The following SGSM1 variants were observed in gnomAD, a reference collection of about 807,000 sequenced individuals.
SGSM1 encodes the protein small G protein signaling modulator 1.
Under a neutral mutation model 133.8 loss-of-function variants are expected in SGSM1, and 73 were observed. The observed-to-expected ratio is 0.55, with a 90% confidence interval of 0.45 to 0.66. The LOEUF (loss-of-function observed/expected upper bound fraction) is 0.66. Among genes scored for constraint, SGSM1 ranks in the 30% least tolerant of loss-of-function variants. SGSM1 has a pLI of 0.00. For missense variants in SGSM1, 1,213 were observed against 1,448.1 expected (o/e 0.84, Z 2.64); for synonymous variants, 563 against 573.0 (o/e 0.98, Z 0.25).
intron 12 of SGSM1, among the ~76,000 whole-genome samples, chr22:24,873,013 C>T (rs867945455): frequency 1.3e-5 from 2 of 151,166 alleles, no homozygotes; most frequent in African/African-American, 2.4e-5. Context: ...GGCTGGAGTG[C>T]AGTGGTGCGA....
At chr22:24,914,757 A>T (rs1350500928) in intron 22 of SGSM1, among the ~76,000 whole-genome samples, 1 of 152,134 alleles carries the variant, frequency 6.6e-6, no homozygotes, top group Non-Finnish European at 1.5e-5. Context: ...AGGCTCGTCA[A>T]CCACGGGGCA....
In SGSM1 at chr22:24,926,629, T is replaced by A. The variant is rs1158221993; in HGVS notation, c.*2355T>A. ...GTGATGTTCCAGAGAGCATCTGTGGTTGTGATTTGGAATAAGTCATATTTA... is the reference window on the plus strand; with the variant it reads ...GTGATGTTCCAGAGAGCATCTGTGGATGTGATTTGGAATAAGTCATATTTA... On this transcript the variant is annotated 3_prime_UTR_variant, in exon 25 of 25. Transcript: ENST00000400358. The A allele has an allele frequency of 1.3e-5, 2 of 152,204 alleles. No individual in the cohort carries two copies. Among genetic ancestry groups the A allele is most frequent in the Non-Finnish European group, 2.9e-5 (2 of 68,042 alleles). 9.4% of individuals were successfully genotyped at this position (152,204 alleles called of 1,614,324 possible).
At chr22:24,907,404 A>C (rs1165935368) in intron 21 of SGSM1, among the ~76,000 whole-genome samples, 2 of 152,156 alleles carry the variant, frequency 1.3e-5, no homozygotes, top group Non-Finnish European at 2.9e-5. Flanking sequence ...AACCCAAATA[A>C]ATGGAAAGAT....
Position 24,867,179 on chromosome 22 carries a change from G to T in SGSM1, c.994+19G>T. 1 of 1,612,744 alleles carries T rather than the reference G, an allele frequency of 6.2e-7. No individual in the cohort carries two copies. Among genetic ancestry groups the T allele is most frequent in the Non-Finnish European group, 8.5e-7 (1 of 1,179,190 alleles). ...CAGCAAGGTAGGGACTGTGGGGACA[G>T]GAGGGGTCTGCGTATTCCTCTTGGA... On this transcript the variant is annotated intron_variant, in intron 10 of 24. Coordinates refer to ENST00000400358, the MANE Select transcript of SGSM1 (RefSeq NM_001098497.3).
intron 21 of SGSM1, among the ~76,000 whole-genome samples, chr22:24,908,821 AAGAC>A (rs1169689394): frequency 6.6e-6 from 1 of 151,962 alleles, no homozygotes; most frequent in African/African-American, 2.4e-5. Context: ...AAAAGAAAGA[AAGAC>A]AACCTGATTA....
At chr22:24,913,295 A>AG (rs1933701045) in intron 22 of SGSM1, among the ~76,000 whole-genome samples, 4 of 141,024 alleles carry the variant, frequency 2.8e-5, no homozygotes, top group Non-Finnish European at 6.3e-5. Flanking sequence ...TCCATCTCAA[A>AG]AAAAAAAAAA....
chr22:24,900,551 C>G (rs1933118927), intron 19 of SGSM1, among the ~76,000 whole-genome samples: 1 of 152,016 alleles, frequency 6.6e-6, no homozygotes, highest in African/African-American at 2.4e-5. Flanking sequence ...AAGCACGCAC[C>G]CACGCCCGGC....
Position 24,910,714 on chromosome 22 carries a change from G to A in SGSM1, c.2819-1929G>A, listed in dbSNP as rs187100797. Among the ~76,000 whole-genome samples the A allele has an allele frequency of 2.5e-3, 382 of 152,268 alleles. 12 individuals carry two copies. The highest frequency in any genetic ancestry group is 0.02 in the Admixed American group (308 of 15,272). The stretch of plus-strand genomic sequence containing the variant: ...AATCCCAGCACTTTGGAAGGCCGAG[G>A]CAGGTGGATCACTTGAGGTCAGGAG... On this transcript the variant is annotated intron_variant, in intron 21 of 24. Transcript: ENST00000400358.
At position 24,878,583 on chromosome 22, in the gene SGSM1, G is replaced by T. The variant is rs548213494; in HGVS notation, c.1431-879G>T. Among the ~76,000 whole-genome samples, 113 of 152,322 alleles carry T rather than the reference G, an allele frequency of 7.4e-4. 2 individuals carry two copies. The highest frequency in any genetic ancestry group is 2.3e-3 in the East Asian group (12 of 5,190). On this transcript the variant is annotated intron_variant, in intron 13 of 24. Transcript: ENST00000400358. ...CTGGATGTCTCCTGGGATGTCCTGA[G>T]AACAAATATGCAGATATTCTTCCAT... is the stretch of plus-strand genomic sequence containing the variant.
chr22:24,861,351 CAAAA>C (rs139707), intron 9 of SGSM1, among the ~76,000 whole-genome samples: 5 of 75,850 alleles, frequency 6.6e-5, no homozygotes, highest in Admixed American at 1.4e-4. Flanking sequence ...GACTCTGTCT[CAAAA>C]AAAAAAAAAA....
intron 20 of SGSM1, among the ~76,000 whole-genome samples, chr22:24,903,638 A>G (rs116242550): frequency 8.6e-5 from 13 of 151,274 alleles, no homozygotes; most frequent in Admixed American, 7.3e-4. Context: ...GGGAGAAATC[A>G]TGGAAGACTT....
In SGSM1 at chr22:24,927,571, CAAG is replaced by C. The variant is rs1934241108; in HGVS notation, c.*3299_*3301del. ...GGAGGATCACTTGAGGCCAAGAGTT[CAAG>C]ATCAGCCTGGGCAACATAATGAGAC... On this transcript the variant is annotated 3_prime_UTR_variant, in exon 25 of 25. Coordinates refer to ENST00000400358, the MANE Select transcript of SGSM1 (RefSeq NM_001098497.3). 6.6e-6 allele frequency: 1 copy of C among 151,984 alleles called. No individual in the cohort carries two copies. Among genetic ancestry groups the C allele is most frequent in the Non-Finnish European group, 1.5e-5 (1 of 68,056 alleles). 9.4% of individuals were successfully genotyped at this position (151,984 alleles called of 1,614,324 possible).
rs539974581 is a variant in SGSM1 at position 24,818,471 on chromosome 22, G to C, written c.63+11987G>C. Among the ~76,000 whole-genome samples, 21 of 151,270 alleles carry C rather than the reference G, an allele frequency of 1.4e-4. No homozygotes were observed. The South Asian group carries it at 4.4e-3, about 32-fold the overall frequency. On this transcript the variant is annotated intron_variant, in intron 2 of 24. Coordinates refer to ENST00000400358, the MANE Select transcript of SGSM1 (RefSeq NM_001098497.3). Reference sequence around the variant, plus strand: ...AAGCCTCTGCCTCCCAGGTTCAAGCGATTCTCCTGCCTCAGCCTCCTGAGT... The same window carrying C: ...AAGCCTCTGCCTCCCAGGTTCAAGCCATTCTCCTGCCTCAGCCTCCTGAGT...
At chr22:24,919,542 G>A (rs1219612754) in intron 23 of SGSM1, among the ~76,000 whole-genome samples, 2 of 152,138 alleles carry the variant, frequency 1.3e-5, no homozygotes, top group African/African-American at 2.4e-5. Flanking sequence ...ATACCTGCAC[G>A]TGCCTGGTTC....
intron 2 of SGSM1, among the ~76,000 whole-genome samples, chr22:24,816,001 A>G (rs1485866800): frequency 6.6e-6 from 1 of 152,226 alleles, no homozygotes; most frequent in East Asian, 1.9e-4. Context: ...CATAAACATT[A>G]GTTCTATGGG....
Position 24,913,809 on chromosome 22 carries a change from C to T in SGSM1, c.2928+1057C>T, listed in dbSNP as rs566149589. Among the ~76,000 whole-genome samples the T allele has an allele frequency of 4.1e-4, 62 of 150,598 alleles. No homozygotes were observed. In the South Asian group the frequency reaches 5.5e-3, roughly 13 times the overall value. ...CAGAGGCGGGCGGATCACTTGAGGT[C>T]AGGAGTTTGAGACCAGCCCGGCCAA... is the stretch of plus-strand genomic sequence containing the variant. On this transcript the variant is annotated intron_variant, in intron 22 of 24. Coordinates refer to ENST00000400358, the MANE Select transcript of SGSM1 (RefSeq NM_001098497.3).
chr22:24,873,443 G>A (rs933715194), intron 12 of SGSM1, among the ~76,000 whole-genome samples: 1 of 151,994 alleles, frequency 6.6e-6, no homozygotes, highest in Non-Finnish European at 1.5e-5. Context: ...TCCCCAAGGC[G>A]TGAAAACCCA....
At chr22:24,856,629 G>T (rs973420469) in intron 8 of SGSM1, among the ~76,000 whole-genome samples, 1 of 152,160 alleles carries the variant, frequency 6.6e-6, no homozygotes, top group Admixed American at 6.5e-5. Flanking sequence ...CTCCATCTCT[G>T]CAATCACAGT....
At chr22:24,869,356 C>T (rs1230376008) in intron 12 of SGSM1, among the ~76,000 whole-genome samples, 2 of 151,822 alleles carry the variant, frequency 1.3e-5, no homozygotes, top group Non-Finnish European at 2.9e-5. Context: ...CCTGTCTCTA[C>T]AAAAAATACA....
Sources: gnomAD v4.1 joint callset for allele counts (sites outside exome capture counted in the v4.1 genomes callset) on GRCh38, gnomAD v4.1.1 for gene constraint, MANE v1.5 for transcripts, NCBI Gene and HGNC (gene_info 2026-07-23, HGNC 2026-07-21) for gene names.